The following PDE4D variants were observed in gnomAD, a reference collection of about 807,000 sequenced individuals.
PDE4D encodes the protein 3',5'-cyclic-AMP phosphodiesterase 4D.
In PDE4D, 24 loss-of-function variants were observed where a neutral mutation model predicts 87.4. The observed-to-expected ratio is 0.27, with a 90% CI of 0.20 to 0.39. The LOEUF (loss-of-function observed/expected upper bound fraction) is 0.39, where lower values mean the gene tolerates loss of function less well. Among genes scored for constraint, PDE4D ranks in the 10% least tolerant of loss-of-function variants. The probability of loss-of-function intolerance (pLI) is 1.00; values close to 1 mark genes in which losing one functional copy is unlikely to be tolerated. For missense variants in PDE4D, 714 were observed against 1,041.0 expected, an observed-to-expected ratio of 0.69 and a Z score of 4.32; for synonymous variants, 384 against 383.2, an observed-to-expected ratio of 1.00 and a Z score of -0.02.
chr5:59,889,566 C>T (rs1750660022), intron 1 of PDE4D, among the ~76,000 whole-genome samples: 1 of 152,134 alleles, frequency 6.6e-6, no homozygotes, highest in Admixed American at 6.6e-5. Context: ...ATATTTGTAT[C>T]ACTATAATCC....
intron 1 of PDE4D, among the ~76,000 whole-genome samples, chr5:60,360,937 G>C (rs1190255377): frequency 6.6e-6 from 1 of 152,180 alleles, no homozygotes; most frequent in African/African-American, 2.4e-5. Context: ...AATTATTTTA[G>C]GAAATGAACT....
intron 1 of PDE4D, among the ~76,000 whole-genome samples, chr5:60,269,984 C>A (rs1264974842): frequency 1.3e-5 from 2 of 152,084 alleles, no homozygotes; most frequent in East Asian, 3.8e-4. Context: ...GAACTTGAAC[C>A]AGGGGAGAGA....
chr5:60,048,416 A>G (rs1320633902), intron 2 of PDE4D, among the ~76,000 whole-genome samples: 1 of 151,674 alleles, frequency 6.6e-6, no homozygotes, highest in Non-Finnish European at 1.5e-5. Flanking sequence ...TTACGATGTT[A>G]GCTGGCTATT....
chr5:59,035,789 T>C (rs1001240347), intron 6 of PDE4D, among the ~76,000 whole-genome samples: 8 of 152,188 alleles, frequency 5.3e-5, no homozygotes, highest in African/African-American at 1.7e-4. Flanking sequence ...CTCACTAAAA[T>C]TACCCTCAAT....
At chr5:59,151,109 T>C (rs1779416332) in intron 5 of PDE4D, among the ~76,000 whole-genome samples, 1 of 152,210 alleles carries the variant, frequency 6.6e-6, no homozygotes, top group South Asian at 2.1e-4. Context: ...ATGACATTTA[T>C]TTTGATCTAG....
chr5:59,449,604 A>G (rs1029137078), intron 1 of PDE4D, among the ~76,000 whole-genome samples: 25 of 152,224 alleles, frequency 1.6e-4, no homozygotes, highest in African/African-American at 5.8e-4. Context: ...TTCATAGGAC[A>G]GAGAAATGTA....
intron 1 of PDE4D, among the ~76,000 whole-genome samples, chr5:60,313,894 C>T (rs1157181691): frequency 1.3e-5 from 2 of 152,160 alleles, no homozygotes; most frequent in Non-Finnish European, 2.9e-5. Context: ...TTAAGCATCA[C>T]TTCATTTTAA....
intron 5 of PDE4D, 181 bp downstream of exon 5, chr5:59,180,414 T>C: frequency 1.4e-6 from 1 of 719,668 alleles, no homozygotes; most frequent in Non-Finnish European, 2.5e-6. Context: ...TCGGTAAAAA[T>C]GTTCCAAATA....
At position 59,771,495 on chromosome 5, in the gene PDE4D, GAGAGAAGAAAGAAAGAAAGAAAGAAAGA is replaced by G. The variant is rs1561637731; in HGVS notation, c.455+121645_455+121672del. 6.8e-3 allele frequency among the ~76,000 whole-genome samples: 204 copies of G among 29,910 alleles called. 1 individual carries two copies. The highest frequency in any genetic ancestry group is 0.017 in the African/African-American group (183 of 11,078). 19.6% of individuals were successfully genotyped at this position (29,910 alleles called of 152,430 possible). On this transcript the variant is annotated intron_variant, in intron 1 of 14. Transcript: ENST00000340635. ...AAAGAAAGAAAGAAAGAGAGAGAGA[GAGAGAAGAAAGAAAGAAAGAAAGAAAGA>G]AAGAAAGAAAGAAAGAAAGAAAGAA... is the stretch of plus-strand genomic sequence containing the variant.
intron 1 of PDE4D, among the ~76,000 whole-genome samples, chr5:59,861,598 T>C (rs950132144): frequency 6.6e-6 from 1 of 152,218 alleles, no homozygotes; most frequent in African/African-American, 2.4e-5. Context: ...GGAGTAGCGC[T>C]CTACTTTTCA....
chr5:59,742,860 G>A (rs1328844138), intron 1 of PDE4D, among the ~76,000 whole-genome samples: 1 of 152,152 alleles, frequency 6.6e-6, no homozygotes, highest in Non-Finnish European at 1.5e-5. Context: ...GAATGAGTGG[G>A]AAACATAGTT....
At chr5:59,108,937 C>A (rs1234090737) in intron 5 of PDE4D, among the ~76,000 whole-genome samples, 49 of 128,924 alleles carry the variant, frequency 3.8e-4, no homozygotes, top group Non-Finnish European at 5.5e-4. Context: ...TTAAAAAAAA[C>A]AAATTCATAG....
chr5:59,910,807 T>C (rs547897861), intron 3 of PDE4D, among the ~76,000 whole-genome samples: 1 of 152,322 alleles, frequency 6.6e-6, no homozygotes, highest in East Asian at 1.9e-4. Context: ...AAGAACTCCA[T>C]GTCTTAAATG....
chr5:59,516,498 G>A (rs1284668490), intron 1 of PDE4D, among the ~76,000 whole-genome samples: 2 of 152,080 alleles, frequency 1.3e-5, no homozygotes, highest in South Asian at 4.1e-4. Context: ...CCTCCCTATT[G>A]CTCTAGAAGA....
rs796385196 is a variant in PDE4D at position 60,262,178 on chromosome 5, G to A, written c.-89-76491C>T. Among the ~76,000 whole-genome samples the A allele has an allele frequency of 5.3e-5, 8 of 152,148 alleles. 1 individual carries two copies. The highest frequency in any genetic ancestry group is 1.7e-4 in the African/African-American group (7 of 41,530). ...ATTACGGCCCTGAAATTGACCCCAC[G>A]AAATAACACCAATGTAGAATGGTTA... On this transcript the variant is annotated intron_variant, in intron 1 of 16. Coordinates refer to the PDE4D transcript ENST00000502484.
chr5:60,489,982 C>G (rs567751879), upstream of PDE4D: 1 of 152,168 alleles, frequency 6.6e-6, no homozygotes, highest in African/African-American at 2.4e-5. Flanking sequence ...CCTACAACTC[C>G]GAAGAAAACC....
At chr5:60,296,009 G>A (rs931066352) in intron 1 of PDE4D, among the ~76,000 whole-genome samples, 5 of 152,184 alleles carry the variant, frequency 3.3e-5, no homozygotes, top group South Asian at 2.1e-4. Flanking sequence ...ACCTTCTCAC[G>A]GTGTCCTCAC....
intron 2 of PDE4D, among the ~76,000 whole-genome samples, chr5:60,004,110 T>C (rs1345487645): frequency 6.6e-6 from 1 of 152,182 alleles, no homozygotes; most frequent in African/African-American, 2.4e-5. Context: ...GTCTTGGTGA[T>C]TATTATTTTA....
At chr5:59,891,806 C>CACAA (rs1244604461) in intron 1 of PDE4D, among the ~76,000 whole-genome samples, 1 of 151,818 alleles carries the variant, frequency 6.6e-6, no homozygotes, top group African/African-American at 2.4e-5. Flanking sequence ...CACACACACA[C>CACAA]AAAACTCAAA....
Sources: allele counts gnomAD v4.1 joint callset (sites outside exome capture counted in the v4.1 genomes callset), GRCh38; gene constraint gnomAD v4.1.1; transcripts MANE v1.5; gene names NCBI Gene and HGNC (gene_info 2026-07-23, HGNC 2026-07-21).